The following KCNN2 variants were observed in gnomAD, a reference collection of about 807,000 sequenced individuals.
KCNN2 encodes the protein potassium calcium-activated channel subfamily N member 2.
KCNN2 carries 24 observed loss-of-function variants against 55.5 expected under a neutral mutation model. That is an observed-to-expected ratio of 0.43 (90% CI 0.31 to 0.61). The LOEUF (loss-of-function observed/expected upper bound fraction) is 0.61. KCNN2 is among the 20% of genes least tolerant of loss of function. The pLI, the probability that KCNN2 is intolerant of heterozygous loss-of-function variation, is 0.08. For synonymous variants in KCNN2, 431 were observed against 336.1 expected (o/e 1.28, Z -3.09); for missense variants, 754 against 853.6 (o/e 0.88, Z 1.45).
intron 2 of KCNN2, among the ~76,000 whole-genome samples, chr5:114,334,782 G>C (rs1756891903): frequency 6.6e-6 from 1 of 152,086 alleles, no homozygotes; most frequent in Non-Finnish European, 1.5e-5. Flanking sequence ...TATCCCATGA[G>C]TAAAAACTAC....
At chr5:114,378,021 A>G (rs1050826311) in intron 2 of KCNN2, among the ~76,000 whole-genome samples, 1 of 152,192 alleles carries the variant, frequency 6.6e-6, no homozygotes, top group African/African-American at 2.4e-5. Flanking sequence ...GGGAAAGGCA[A>G]TAATGCACCC....
intron 1 of KCNN2, among the ~76,000 whole-genome samples, chr5:114,075,389 G>C (rs1245593684): frequency 6.6e-6 from 1 of 152,150 alleles, no homozygotes; most frequent in Non-Finnish European, 1.5e-5. Context: ...GGTTAAATGA[G>C]GCTGATAATT....
At chr5:114,294,652 A>G (rs2150019555) in intron 2 of KCNN2, among the ~76,000 whole-genome samples, 1 of 152,280 alleles carries the variant, frequency 6.6e-6, no homozygotes, top group East Asian at 1.9e-4. Context: ...TGTGGTGCTG[A>G]AAAGAATGTA....
chr5:114,364,010 G>C lies in KCNN2; in HGVS notation c.1218+9G>C. 3.1e-6 allele frequency: 5 copies of C among 1,603,374 alleles called. No individual in the cohort carries two copies. Among genetic ancestry groups the C allele is most frequent in the Non-Finnish European group, 4.3e-6 (5 of 1,170,418 alleles). ...ACGCCAGGGAAATACAGGTAACTTA[G>C]GTCCTGCTGTTTATGAATGACCCAA... On this transcript the variant is annotated intron_variant, in intron 2 of 7. Coordinates refer to ENST00000673685, the MANE Select transcript of KCNN2 (RefSeq NM_021614.4).
intron 1 of KCNN2, among the ~76,000 whole-genome samples, chr5:114,214,790 A>C (rs937842927): frequency 2.0e-5 from 3 of 152,144 alleles, no homozygotes; most frequent in African/African-American, 4.8e-5. Context: ...GTCATCCAAG[A>C]CCTAAATAAA....
chr5:114,269,878 A>T (rs183890144), intron 2 of KCNN2, among the ~76,000 whole-genome samples: 3 of 152,294 alleles, frequency 2.0e-5, no homozygotes, highest in Non-Finnish European at 4.4e-5. Context: ...TATTAATTTA[A>T]TCAAGGAAAG....
rs974682223 is a variant in KCNN2 at position 114,214,639 on chromosome 5, G to A, written c.-270-6841G>A. ...CACAATTCCTGAGGTTTTTTCCTGT[G>A]TTCATTGCTGTGTTCTTTTGGGTTC... is the stretch of plus-strand genomic sequence containing the variant. On this transcript the variant is annotated intron_variant, in intron 1 of 10. Transcript: ENST00000512097. Among the ~76,000 whole-genome samples, 7 of 152,082 alleles carry A rather than the reference G, an allele frequency of 4.6e-5. No homozygotes were observed. The East Asian group carries it at 1.2e-3, about 25-fold the overall frequency.
intron 2 of KCNN2, among the ~76,000 whole-genome samples, chr5:114,389,076 G>A (rs567144176): frequency 6.6e-6 from 1 of 151,848 alleles, no homozygotes; most frequent in East Asian, 1.9e-4. Flanking sequence ...CCTTGTATCT[G>A]CTTTTTAGTG....
chr5:114,150,573 C>G (rs1056243940), intron 1 of KCNN2, among the ~76,000 whole-genome samples: 1 of 152,182 alleles, frequency 6.6e-6, no homozygotes, highest in Non-Finnish European at 1.5e-5. Flanking sequence ...AGCCTTTGGT[C>G]CACTGGCCAG....
rs191519696 is a variant in KCNN2 at position 114,250,337 on chromosome 5, A to T, written c.-185+28772A>T. Among the ~76,000 whole-genome samples the T allele has an allele frequency of 1.8e-3, 276 of 152,286 alleles. 1 individual carries two copies. The highest frequency in any genetic ancestry group is 5.9e-3 in the Admixed American group (90 of 15,288). ...GGGAACTTGACAGAGCTTCTTCATT[A>T]TAATGGGAATCTGAGTGAGTTTCTA... On this transcript the variant is annotated intron_variant, in intron 2 of 10. Transcript: ENST00000512097.
chr5:114,123,504 A>T lies in KCNN2; in HGVS notation c.-271+67004A>T, dbSNP rs1244892442. Among the ~76,000 whole-genome samples the T allele has an allele frequency of 3.4e-5, 4 of 118,406 alleles. 1 individual carries two copies. The highest frequency in any genetic ancestry group is 7.0e-5 in the Non-Finnish European group (4 of 57,146). 77.7% of individuals were successfully genotyped at this position (118,406 alleles called of 152,430 possible). ...CAGCCTCCCGCGTAGCTGGGACTAC[A>T]GGCGCCCGCCACCACGCCCGGCTAA... On this transcript the variant is annotated intron_variant, in intron 1 of 10. Coordinates refer to the KCNN2 transcript ENST00000512097.
chr5:114,060,435 A>G (rs1750301949), intron 1 of KCNN2, among the ~76,000 whole-genome samples: 2 of 152,178 alleles, frequency 1.3e-5, no homozygotes, highest in African/African-American at 2.4e-5. Context: ...ACGGTGTGTG[A>G]GCAGCAATTG....
chr5:114,450,187 C>T (rs1760611773), intron 3 of KCNN2, among the ~76,000 whole-genome samples: 1 of 152,338 alleles, frequency 6.6e-6, no homozygotes, highest in Non-Finnish European at 1.5e-5. Flanking sequence ...ATAGAGTCTG[C>T]CAGGCCAGTG....
At chr5:114,111,059 G>A (rs551610702) in intron 1 of KCNN2, among the ~76,000 whole-genome samples, 2 of 152,094 alleles carry the variant, frequency 1.3e-5, no homozygotes, top group African/African-American at 2.4e-5. Flanking sequence ...TGGAAGCCTC[G>A]TGCTACCTGA....
intron 4 of KCNN2, among the ~76,000 whole-genome samples, chr5:114,466,144 TAGA>T (rs907265976): frequency 6.6e-6 from 1 of 151,934 alleles, no homozygotes; most frequent in Non-Finnish European, 1.5e-5. Flanking sequence ...GATTGCCTAA[TAGA>T]AGAAATAAAA....
At chr5:114,163,032 C>G (rs1752824476) in intron 1 of KCNN2, among the ~76,000 whole-genome samples, 1 of 152,176 alleles carries the variant, frequency 6.6e-6, no homozygotes, top group Non-Finnish European at 1.5e-5. Flanking sequence ...CTGGCAATCC[C>G]CAGTGAGATG....
chr5:114,205,339 C>G (rs1176100700), intron 1 of KCNN2, among the ~76,000 whole-genome samples: 1 of 152,180 alleles, frequency 6.6e-6, no homozygotes, highest in African/African-American at 2.4e-5. Flanking sequence ...TCTAATGGCA[C>G]TAAAGTATTT....
intron 2 of KCNN2, among the ~76,000 whole-genome samples, chr5:114,238,101 G>C (rs546838412): frequency 6.6e-6 from 1 of 152,286 alleles, no homozygotes; most frequent in South Asian, 2.1e-4. Flanking sequence ...TCTAGCATTT[G>C]TACCAAGTGC....
At chr5:114,069,886 T>C (rs148458150) in intron 1 of KCNN2, among the ~76,000 whole-genome samples, 2 of 152,326 alleles carry the variant, frequency 1.3e-5, no homozygotes, top group Admixed American at 1.3e-4. Flanking sequence ...CAGCTGTTGA[T>C]GGGAATGCAA....
Sources: allele counts gnomAD v4.1 joint callset (sites outside exome capture counted in the v4.1 genomes callset), GRCh38; gene constraint gnomAD v4.1.1; transcripts MANE v1.5; gene names NCBI Gene and HGNC (gene_info 2026-07-23, HGNC 2026-07-21).